The following PLCXD3 variants were observed in gnomAD, a reference collection of about 807,000 sequenced individuals.
PLCXD3 encodes the protein PI-PLC X domain-containing protein 3.
In PLCXD3, 19 loss-of-function variants were observed where a neutral mutation model predicts 25.5. That is an observed-to-expected ratio of 0.75 (90% CI 0.52 to 1.09). PLCXD3 has a LOEUF of 1.09. Ranked by LOEUF, PLCXD3 falls within the 50% of genes least tolerant of loss-of-function variation. PLCXD3 has a pLI of 0.00. For missense variants in PLCXD3, 411 were observed against 388.1 expected (o/e 1.06, Z -0.50); for synonymous variants, 174 against 137.6 (o/e 1.26, Z -1.85).
At chr5:41,418,534 T>A (rs928303145) in intron 1 of PLCXD3, among the ~76,000 whole-genome samples, 1 of 152,120 alleles carries the variant, frequency 6.6e-6, no homozygotes, top group South Asian at 2.1e-4. Context: ...ATTTTTTTGG[T>A]ACACTTTATT....
Position 41,446,283 on chromosome 5 carries a change from A to G in PLCXD3, c.104-63749T>C, listed in dbSNP as rs1747502157. The stretch of plus-strand genomic sequence containing the variant: ...TATTGTTGCTTGGCTCCTTCCTACC[A>G]GGGAATTTTCATCCAGAGGCTGTTT... On this transcript the variant is annotated intron_variant, in intron 1 of 2. Coordinates refer to ENST00000377801, the MANE Select transcript of PLCXD3 (RefSeq NM_001005473.3). Among the ~76,000 whole-genome samples the G allele has an allele frequency of 5.3e-5, 8 of 150,846 alleles. 1 individual carries two copies. The South Asian group carries it at 1.7e-3, about 32-fold the overall frequency.
intron 1 of PLCXD3, among the ~76,000 whole-genome samples, chr5:41,498,240 C>A (rs1748881394): frequency 1.3e-5 from 2 of 151,336 alleles, no homozygotes; most frequent in African/African-American, 4.8e-5. Context: ...AAAAAATCAA[C>A]AACCCTAGGA....
intron 1 of PLCXD3, among the ~76,000 whole-genome samples, chr5:41,474,879 C>T (rs373685662): frequency 6.6e-6 from 1 of 152,200 alleles, no homozygotes; most frequent in Admixed American, 6.5e-5. Context: ...GTGAGTGTGT[C>T]TCCTCCAACT....
At chr5:41,505,413 T>C (rs1225412377) in intron 1 of PLCXD3, among the ~76,000 whole-genome samples, 1 of 152,054 alleles carries the variant, frequency 6.6e-6, no homozygotes, top group Non-Finnish European at 1.5e-5. Flanking sequence ...ACCAATTTAC[T>C]GTTTACCTTT....
intron 2 of PLCXD3, among the ~76,000 whole-genome samples, chr5:41,366,625 C>T (rs1352916588): frequency 1.3e-5 from 2 of 152,152 alleles, no homozygotes; most frequent in Admixed American, 6.5e-5. Flanking sequence ...CATATATGCC[C>T]AAGCACACAT....
At chr5:41,419,430 T>C (rs1271244349) in intron 1 of PLCXD3, among the ~76,000 whole-genome samples, 1 of 152,158 alleles carries the variant, frequency 6.6e-6, no homozygotes, top group Admixed American at 6.5e-5. Context: ...TATGATAGTG[T>C]TTTTCCAATA....
chr5:41,334,721 C>T (rs983883248), intron 2 of PLCXD3, among the ~76,000 whole-genome samples: 3 of 152,036 alleles, frequency 2.0e-5, no homozygotes, highest in Non-Finnish European at 4.4e-5. Context: ...CATTAAAAAT[C>T]CATTTTCAAT....
chr5:41,380,634 T>G (rs1179938099), intron 2 of PLCXD3, among the ~76,000 whole-genome samples: 1 of 152,122 alleles, frequency 6.6e-6, no homozygotes, highest in Non-Finnish European at 1.5e-5. Flanking sequence ...TGCCACAAGG[T>G]CACACATACT....
At chr5:41,373,113 A>G (rs1745176201) in intron 2 of PLCXD3, among the ~76,000 whole-genome samples, 1 of 152,020 alleles carries the variant, frequency 6.6e-6, no homozygotes, top group Non-Finnish European at 1.5e-5. Context: ...ATGCCTCGTT[A>G]TACCCCCTTC....
At chr5:41,464,480 T>C (rs1322771042) in intron 1 of PLCXD3, among the ~76,000 whole-genome samples, 1 of 152,020 alleles carries the variant, frequency 6.6e-6, no homozygotes, top group East Asian at 1.9e-4. Context: ...ATACCTAATG[T>C]AGATGATGGG....
intron 2 of PLCXD3, among the ~76,000 whole-genome samples, chr5:41,325,516 A>G (rs1468486287): frequency 6.6e-6 from 1 of 152,212 alleles, no homozygotes; most frequent in African/African-American, 2.4e-5. Context: ...TGAAATTTTA[A>G]TACTACAGAT....
intron 2 of PLCXD3, among the ~76,000 whole-genome samples, chr5:41,360,266 C>A: frequency 6.6e-6 from 1 of 152,114 alleles, no homozygotes; most frequent in East Asian, 1.9e-4. Context: ...TATGATGAAT[C>A]AAAAATTTTT....
At chr5:41,413,351 A>C (rs1296115934) in intron 1 of PLCXD3, among the ~76,000 whole-genome samples, 3 of 152,342 alleles carry the variant, frequency 2.0e-5, no homozygotes, top group Middle Eastern at 3.4e-3. Context: ...TTGTTTCTGC[A>C]CTGAACTTGG....
chr5:41,387,857 A>G (rs1278044516), intron 1 of PLCXD3, among the ~76,000 whole-genome samples: 1 of 152,154 alleles, frequency 6.6e-6, no homozygotes, highest in African/African-American at 2.4e-5. Flanking sequence ...GCACATAGAT[A>G]AATAATTATA....
intron 1 of PLCXD3, among the ~76,000 whole-genome samples, chr5:41,406,488 C>T (rs745926602): frequency 1.3e-5 from 2 of 152,098 alleles, no homozygotes; most frequent in African/African-American, 2.4e-5. Flanking sequence ...TTCCTTATCT[C>T]ATCATCCTTC....
Position 41,482,483 on chromosome 5 carries a change from A to G in PLCXD3, c.103+27941T>C, listed in dbSNP as rs150182000. 2.3e-4 allele frequency among the ~76,000 whole-genome samples: 35 copies of G among 152,326 alleles called. 1 individual carries two copies. The East Asian group carries it at 6.8e-3, about 29-fold the overall frequency. On this transcript the variant is annotated intron_variant, in intron 1 of 2. Transcript: ENST00000377801. The stretch of plus-strand genomic sequence containing the variant: ...TTCCATTAACCCTTATCAGCAGGAT[A>G]CTTAAGAGCACGAAGTATAATACAT...
intron 2 of PLCXD3, among the ~76,000 whole-genome samples, chr5:41,368,855 C>A (rs319007): frequency 2.0e-4 from 30 of 152,080 alleles, no homozygotes; most frequent in Non-Finnish European, 8.8e-5. Context: ...AGCTGACCAC[C>A]CTTTGCTAAC....
intron 2 of PLCXD3, among the ~76,000 whole-genome samples, chr5:41,332,026 G>A (rs1043628675): frequency 3.3e-5 from 5 of 152,156 alleles, no homozygotes; most frequent in Non-Finnish European, 5.9e-5. Context: ...TCAGGACATA[G>A]GCATGAGCAA....
Position 41,356,871 on chromosome 5 carries a change from A to C in PLCXD3, c.812+24955T>G, listed in dbSNP as rs377130789. Among the ~76,000 whole-genome samples the C allele has an allele frequency of 3.3e-5, 5 of 152,204 alleles. 1 individual carries two copies. Among genetic ancestry groups the C allele is most frequent in the Admixed American group, 2.0e-4 (3 of 15,280 alleles). Reference sequence around the variant, plus strand: ...TGTTATCACAAGCTACAGGGCAAACAGGAAGGGCTCCATGGGGGTGTGAAG... The same window carrying C: ...TGTTATCACAAGCTACAGGGCAAACCGGAAGGGCTCCATGGGGGTGTGAAG... On this transcript the variant is annotated intron_variant, in intron 2 of 2. Transcript: ENST00000377801.
Sources: gnomAD v4.1 joint callset for allele counts (sites outside exome capture counted in the v4.1 genomes callset) on GRCh38, gnomAD v4.1.1 for gene constraint, MANE v1.5 for transcripts, NCBI Gene and HGNC (gene_info 2026-07-23, HGNC 2026-07-21) for gene names.